The following TRPM4 variants were observed in gnomAD, a reference collection of about 807,000 sequenced individuals.
TRPM4 encodes calcium-activated non-selective cation channel 1.
Under a neutral mutation model 135.6 loss-of-function variants are expected in TRPM4, and 124 were observed. The observed-to-expected ratio is 0.91, with a 90% CI of 0.79 to 1.06. The LOEUF (loss-of-function observed/expected upper bound fraction) is 1.06, where lower values mean the gene tolerates loss of function less well. Ranked by LOEUF, TRPM4 falls within the 50% of genes least tolerant of loss-of-function variation. TRPM4 has a pLI of 0.00. For synonymous variants in TRPM4, 745 were observed against 705.6 expected, an observed-to-expected ratio of 1.06 and a Z score of -0.88; for missense variants, 1,658 against 1,671.4, an observed-to-expected ratio of 0.99 and a Z score of 0.14.
intron 4 of TRPM4, 45 bp downstream of exon 4, chr19:49,168,142 C>T (rs1967300159): frequency 6.3e-7 from 1 of 1,590,834 alleles, no homozygotes; most frequent in Non-Finnish European, 8.6e-7. Flanking sequence ...CTCGGCCTGC[C>T]TGCCATCTCC....
intron 15 of TRPM4, 67 bp downstream of exon 15, chr19:49,190,387 T>A: frequency 2.2e-6 from 3 of 1,367,424 alleles, no homozygotes; most frequent in Non-Finnish European, 3.1e-6. Flanking sequence ...TCCTGCCCCC[T>A]CTGCCCACCT....
Position 49,196,800 on chromosome 19 carries a change from C to CCT in TRPM4, c.2574_2575dup (p.Tyr859SerfsTer12). On this transcript the variant is annotated frameshift_variant, in exon 17 of 25. Coordinates refer to ENST00000252826, the MANE Select transcript of TRPM4 (RefSeq NM_017636.4). LOFTEE classifies it high-confidence loss of function. ...ATGCCTCACTGAGCCAGCGCCTGCG[C>CCT]CTCTACCTCGCCGACAGCTGGAACC... The CCT allele has an allele frequency of 6.3e-7, 1 of 1,584,086 alleles. No homozygotes were observed. Among genetic ancestry groups the CCT allele is most frequent in the Non-Finnish European group, 8.5e-7 (1 of 1,172,784 alleles).
At chr19:49,198,385 G>A (rs1968778404) in intron 17 of TRPM4, among the ~76,000 whole-genome samples, 1 of 152,138 alleles carries the variant, frequency 6.6e-6, no homozygotes, top group African/African-American at 2.4e-5. Flanking sequence ...GGTGGCTCAT[G>A]CCTGTAATCC....
In TRPM4 at chr19:49,171,856, G is replaced by T; in HGVS notation, c.1050+87G>T. 1.3e-6 allele frequency: 2 copies of T among 1,481,630 alleles called. No homozygotes were observed. The highest frequency in any genetic ancestry group is 1.9e-6 in the Non-Finnish European group (2 of 1,074,212). The allele number at this position is 1,481,630 out of a possible 1,614,324, so 91.8% of individuals were successfully genotyped here. A position where few individuals can be genotyped will look rare whatever the true frequency, so the allele number is the denominator to read the frequency against. On this transcript the variant is annotated intron_variant, in intron 8 of 24. Coordinates refer to ENST00000252826, the MANE Select transcript of TRPM4 (RefSeq NM_017636.4). This position sits in a 1 kb window ranked among gnomAD's most constrained non-coding sequence, Gnocchi z 4.7. ...CTGGGTCTGAGGGAGGAGGGGCTGGGGGCCTGGACTTCCAGGTTCCGGGAG... is the reference window on the plus strand; with the variant it reads ...CTGGGTCTGAGGGAGGAGGGGCTGGTGGCCTGGACTTCCAGGTTCCGGGAG...
At chr19:49,161,167 A>G (rs1029010386) in intron 2 of TRPM4, among the ~76,000 whole-genome samples, 1 of 151,946 alleles carries the variant, frequency 6.6e-6, no homozygotes, top group African/African-American at 2.4e-5. Flanking sequence ...TGTAGCTGGT[A>G]ATTGAAACTG....
intron 3 of TRPM4, 50 bp downstream of exon 3, chr19:49,166,265 T>C: frequency 6.5e-7 from 1 of 1,535,788 alleles, no homozygotes; most frequent in South Asian, 1.2e-5. Context: ...GGCTGCATGC[T>C]CGGGGCTCCA....
chr19:49,197,322 TTCTTTCTTTCTTTC>T (rs1167673488), intron 17 of TRPM4, among the ~76,000 whole-genome samples: 2 of 118,300 alleles, frequency 1.7e-5, no homozygotes, highest in African/African-American at 4.4e-5. Flanking sequence ...CTTTCTTTCT[TTCTTTCTTTCTTTC>T]TTTCTTTCTT....
Position 49,168,755 on chromosome 19 carries a change from G to GACCCACA in TRPM4, c.796+26_796+32dup. The GACCCACA allele has an allele frequency of 6.3e-7, 1 of 1,575,778 alleles. No individual in the cohort carries two copies. The highest frequency in any genetic ancestry group is 8.6e-7 in the Non-Finnish European group (1 of 1,161,662). ...GTGGGAGGTGAGTGGTCGAACCCAT[G>GACCCACA]ACCCACAACCCACGACCCACAACCT... On this transcript the variant is annotated intron_variant, in intron 6 of 24. Transcript: ENST00000252826.
intron 17 of TRPM4, among the ~76,000 whole-genome samples, chr19:49,199,258 TG>T (rs1968821604): frequency 1.2e-5 from 1 of 80,748 alleles, no homozygotes; most frequent in African/African-American, 4.2e-5. Flanking sequence ...TTTTGGTTTT[TG>T]TTTTTGTTTT....
At chr19:49,175,073 T>G (rs1967630300) in intron 9 of TRPM4, among the ~76,000 whole-genome samples, 1 of 88,548 alleles carries the variant, frequency 1.1e-5, no homozygotes, top group Admixed American at 1.0e-4. Context: ...CTGGCTTTTT[T>G]TTTTTTTTTT....
intron 6 of TRPM4, among the ~76,000 whole-genome samples, chr19:49,170,241 T>A (rs1449025293): frequency 6.6e-6 from 1 of 152,114 alleles, no homozygotes; most frequent in African/African-American, 2.4e-5. Context: ...CAGGCTGGAG[T>A]GCAGTGGCGT....
intron 9 of TRPM4, among the ~76,000 whole-genome samples, chr19:49,176,446 T>C (rs1306487228): frequency 6.6e-6 from 1 of 152,150 alleles, no homozygotes; most frequent in Non-Finnish European, 1.5e-5. Flanking sequence ...CTTGAACTCT[T>C]GGGCTGAAGA....
At chr19:49,164,578 C>T (rs1218113856) in intron 2 of TRPM4, among the ~76,000 whole-genome samples, 1 of 151,326 alleles carries the variant, frequency 6.6e-6, no homozygotes, top group Non-Finnish European at 1.5e-5. Flanking sequence ...GACAGTGTTT[C>T]ACCATGTTGG....
At position 49,175,067 on chromosome 19, in the gene TRPM4, C is replaced by CTTTTTTTTTTTTTT. The variant is rs772062913; in HGVS notation, c.1150+2971_1150+2984dup. Among the ~76,000 whole-genome samples the CTTTTTTTTTTTTTT allele has an allele frequency of 6.3e-4, 49 of 77,578 alleles. 5 individuals are homozygous for CTTTTTTTTTTTTTT. Among genetic ancestry groups the CTTTTTTTTTTTTTT allele is most frequent in the African/African-American group, 3.2e-3 (43 of 13,528 alleles). The allele number at this position is 77,578 out of a possible 152,430, so 50.9% of individuals were successfully genotyped here. On this transcript the variant is annotated intron_variant, in intron 9 of 24. Coordinates refer to ENST00000252826, the MANE Select transcript of TRPM4 (RefSeq NM_017636.4). ...CACAGGCATGTGCCATCATGCCTGG[C>CTTTTTTTTTTTTTT]TTTTTTTTTTTTTTTTTTTTTTTTT... is the stretch of plus-strand genomic sequence containing the variant.
At position 49,171,819 on chromosome 19, in the gene TRPM4, G is replaced by A. The variant is rs1967472115; in HGVS notation, c.1050+50G>A. On this transcript the variant is annotated intron_variant, in intron 8 of 24. Transcript: ENST00000252826. This position sits in a 1 kb window ranked among gnomAD's most constrained non-coding sequence, Gnocchi z 4.7. ...GGATCCTGAGATGGGAGGGAACTGGGGACTTGGGCTCCTGGGTCTGAGGGA... is the reference window on the plus strand; with the variant it reads ...GGATCCTGAGATGGGAGGGAACTGGAGACTTGGGCTCCTGGGTCTGAGGGA... 1 of 1,580,922 alleles carries A rather than the reference G, an allele frequency of 6.3e-7. No individual in the cohort carries two copies. The highest frequency in any genetic ancestry group is 8.6e-7 in the Non-Finnish European group (1 of 1,159,542).
At position 49,195,662 on chromosome 19, in the gene TRPM4, G is replaced by A. The variant is rs571509393; in HGVS notation, c.2211-778G>A. On this transcript the variant is annotated intron_variant, in intron 16 of 24. Transcript: ENST00000252826. ...TGGGATTACAAGCGTGAGCTAGCGC[G>A]CCCAGCCCGTTTCTACTTTAATTTT... Among the ~76,000 whole-genome samples, 9 of 150,246 alleles carry A rather than the reference G, an allele frequency of 6.0e-5. No individual in the cohort carries two copies. In the South Asian group the frequency reaches 1.1e-3, roughly 18 times the overall value.
chr19:49,190,528 G>A lies in TRPM4; in HGVS notation c.2133-168G>A, dbSNP rs878911986. Reference sequence around the variant, plus strand: ...TGGTATCTCTAGTGGCAGTTACTCTGCCTTTCTGGCCATGGCTCTGGGGGA... The same window carrying A: ...TGGTATCTCTAGTGGCAGTTACTCTACCTTTCTGGCCATGGCTCTGGGGGA... On this transcript the variant is annotated intron_variant, in intron 15 of 24. Transcript: ENST00000252826. Among the ~76,000 whole-genome samples, 10 of 152,158 alleles carry A rather than the reference G, an allele frequency of 6.6e-5. No individual in the cohort carries two copies. The South Asian group carries it at 2.1e-3, about 31-fold the overall frequency.
At chr19:49,182,093 T>TCCATCC (rs1967958459) in intron 10 of TRPM4, among the ~76,000 whole-genome samples, 6 of 60,902 alleles carry the variant, frequency 9.9e-5, no homozygotes, top group African/African-American at 3.2e-4. Flanking sequence ...TCCATCCATC[T>TCCATCC]GTCCATCCAT....
At chr19:49,202,207 G>A in intron 20 of TRPM4, 66 bp downstream of exon 20, 1 of 1,552,844 alleles carries the variant, frequency 6.4e-7, no homozygotes, top group Non-Finnish European at 8.9e-7. Context: ...CATGACTCTT[G>A]AACCCCGTCT....
Sources: gnomAD v4.1 joint callset for allele counts (sites outside exome capture counted in the v4.1 genomes callset) on GRCh38, gnomAD v4.1.1 for gene constraint, Gnocchi (gnomAD v3.1) non-coding constraint, MANE v1.5 for transcripts, NCBI Gene and HGNC (gene_info 2026-07-23, HGNC 2026-07-21) for gene names.